Variants in DNAH12 observed in about 807,000 individuals in gnomAD.
DNAH12 encodes the protein axonemal beta dynein heavy chain 12.
Under a neutral mutation model 371.5 loss-of-function variants are expected in DNAH12, and 285 were observed. The observed-to-expected ratio is 0.77, with a 90% CI of 0.70 to 0.85. The LOEUF is 0.85. DNAH12 is among the 40% of genes least tolerant of loss of function. DNAH12 has a pLI of 0.00. For missense variants in DNAH12, 3,611 were observed against 3,689.4 expected (o/e 0.98, Z 0.55); for synonymous variants, 1,200 against 1,213.0 (o/e 0.99, Z 0.22).
rs1479705490 is a variant in DNAH12, at chr3:57,433,415, G to A, written c.4932C>T (p.Asp1644=). 1.9e-6 allele frequency: 3 copies of A among 1,551,268 alleles called. No individual in the cohort carries two copies. Among genetic ancestry groups the A allele is most frequent in the African/African-American group, 1.4e-5 (1 of 72,986 alleles). ...TGTTCATGCTCTCTATCCACAAAGTGTCAATAGGACCATCAAATACAACCC... is the reference window on the plus strand; with the variant it reads ...TGTTCATGCTCTCTATCCACAAAGTATCAATAGGACCATCAAATACAACCC... ...RKWVVFDGPI[D]TLWIESMNTV... The change falls in exon 32 of 74, where the codon GAC becomes GAT. Residue 1644 remains aspartate, a synonymous_variant. Coordinates refer to ENST00000495027, the MANE Select transcript of DNAH12 (RefSeq NM_001366028.2).
chr3:57,470,638 T>G lies in DNAH12; in HGVS notation c.1912-2A>C. On this transcript the variant is annotated splice_acceptor_variant, in intron 15 of 73. Coordinates refer to ENST00000495027, the MANE Select transcript of DNAH12 (RefSeq NM_001366028.2). LOFTEE classifies it high-confidence loss of function. ...TAGTTGTCTTACATCTGTCACATAC[T>G]GAAAGTAAATAAGTTTTTTGTCTTA... 1 of 1,520,472 alleles carries G rather than the reference T, an allele frequency of 6.6e-7. No homozygotes were observed. The highest frequency in any genetic ancestry group is 2.5e-5 in the Admixed American group (1 of 39,322). The allele number at this position is 1,520,472 out of a possible 1,614,324, so 94.2% of individuals were successfully genotyped here. A position where few individuals can be genotyped will look rare whatever the true frequency, so the allele number is the denominator to read the frequency against.
At chr3:57,489,392 G>C in intron 12 of DNAH12, 117 bp downstream of exon 12, 1 of 1,053,000 alleles carries the variant, frequency 9.5e-7, no homozygotes, top group South Asian at 2.1e-5. Context: ...AGGCAGCTAT[G>C]GAGAAAAAGT....
intron 29 of DNAH12, among the ~76,000 whole-genome samples, chr3:57,442,176 C>A (rs1031439263): frequency 6.6e-6 from 1 of 151,962 alleles, no homozygotes; most frequent in East Asian, 1.9e-4. Flanking sequence ...GACCCATATA[C>A]ACACAAATAC....
chr3:57,386,401 T>C (rs2063500419), intron 47 of DNAH12, 40 bp downstream of exon 47: 1 of 152,188 alleles, frequency 6.6e-6, no homozygotes, highest in Non-Finnish European at 1.5e-5. Context: ...CTTATACTTC[T>C]CAGTATATAT....
chr3:57,491,086 A>AAAAAAAAC (rs1575677264), intron 11 of DNAH12, among the ~76,000 whole-genome samples: 2 of 144,170 alleles, frequency 1.4e-5, no homozygotes, highest in East Asian at 2.0e-4. Context: ...TATCTCAAAA[A>AAAAAAAAC]AAAAAAAAAA....
Position 57,455,828 on chromosome 3 carries a change from G to A in DNAH12, c.3337-934C>T, listed in dbSNP as rs2065888725. Among the ~76,000 whole-genome samples the A allele has an allele frequency of 2.0e-5, 3 of 151,990 alleles. No individual in the cohort carries two copies. The South Asian group carries it at 6.2e-4, about 32-fold the overall frequency. On this transcript the variant is annotated intron_variant, in intron 22 of 73. Transcript: ENST00000495027. ...ATACTTTCATTTTTTCTAACACTTTGATATTCAAAATGCATTTAAATGGAT... is the reference window on the plus strand; with the variant it reads ...ATACTTTCATTTTTTCTAACACTTTAATATTCAAAATGCATTTAAATGGAT...
At chr3:57,477,323 A>G (rs1402297351) in intron 13 of DNAH12, among the ~76,000 whole-genome samples, 2 of 152,212 alleles carry the variant, frequency 1.3e-5, no homozygotes, top group East Asian at 3.9e-4. Context: ...AGCCTCACTC[A>G]TTGCTAGCAC....
chr3:57,299,575 CAT>C (rs2061304178), intron 70 of DNAH12, among the ~76,000 whole-genome samples: 1 of 151,928 alleles, frequency 6.6e-6, no homozygotes, highest in African/African-American at 2.4e-5. Context: ...CTCCAAAATT[CAT>C]AGATTGAAAC....
intron 10 of DNAH12, 58 bp from the exon 11 acceptor site, chr3:57,501,470 C>CT (rs375930927): frequency 2.0e-5 from 26 of 1,285,322 alleles, no homozygotes; most frequent in African/African-American, 3.1e-5. Context: ...AGATAAAACA[C>CT]TTTTTTTATA....
chr3:57,506,591 G>T (rs1446261062), intron 8 of DNAH12, among the ~76,000 whole-genome samples: 2 of 152,012 alleles, frequency 1.3e-5, no homozygotes, highest in Non-Finnish European at 2.9e-5. Flanking sequence ...ACAAGCATAT[G>T]CCACCACACC....
rs1482139338 is a variant in DNAH12 at position 57,408,401 on chromosome 3, G to C, written c.6155C>G (p.Ser2052Cys). ...TCGGACCATAGTTTCATCACTAAAA[G>C]AATTAATACTGCAGATGTTGAAATG... ...IRHFNICSINSFSDETMVRIF... is the reference protein window; with the variant it reads ...IRHFNICSINCFSDETMVRIF... Residue 2052 changes from serine (S) to cysteine (C), a missense_variant, in exon 40 of 74, where the codon TCT (serine) becomes TGT (cysteine). Coordinates refer to ENST00000495027, the MANE Select transcript of DNAH12 (RefSeq NM_001366028.2). 3 of 1,551,422 alleles carry C rather than the reference G, an allele frequency of 1.9e-6. No individual in the cohort carries two copies. The highest frequency in any genetic ancestry group is 2.6e-6 in the Non-Finnish European group (3 of 1,146,924).
At chr3:57,534,863 C>T (rs2068975846) in intron 2 of DNAH12, among the ~76,000 whole-genome samples, 1 of 152,110 alleles carries the variant, frequency 6.6e-6, no homozygotes, top group African/African-American at 2.4e-5. Flanking sequence ...ATGTTTGTAA[C>T]TTCTAGTCTC....
intron 16 of DNAH12, 53 bp downstream of exon 16, chr3:57,470,390 T>C (rs2066332113): frequency 6.9e-7 from 1 of 1,452,270 alleles, no homozygotes; most frequent in Admixed American, 2.8e-5. Context: ...ATTTATATTT[T>C]ACAAATTATT....
At position 57,316,620 on chromosome 3, in the gene DNAH12, T is replaced by C. The variant is rs148519865; in HGVS notation, c.10525-1989A>G. On this transcript the variant is annotated intron_variant, in intron 65 of 73. Transcript: ENST00000495027. ...ACCTAAATCTCAGCTCAATTTGTAATCCCCGCTTTTCAAGGGAGGGACCTA... is the reference window on the plus strand; with the variant it reads ...ACCTAAATCTCAGCTCAATTTGTAACCCCCGCTTTTCAAGGGAGGGACCTA... 5.8e-4 allele frequency among the ~76,000 whole-genome samples: 89 copies of C among 152,254 alleles called. No individual in the cohort carries two copies. The East Asian group carries it at 0.017, about 28-fold the overall frequency.
chr3:57,413,236 T>C (rs7646243), intron 39 of DNAH12, among the ~76,000 whole-genome samples: 83,301 of 151,826 alleles, frequency 0.55, 23,807 homozygotes, highest in African/African-American at 0.72. Context: ...CTGAAAATGG[T>C]TAAACTATAG....
At chr3:57,389,084 C>G (rs2063556067) in intron 45 of DNAH12, among the ~76,000 whole-genome samples, 1 of 152,128 alleles carries the variant, frequency 6.6e-6, no homozygotes, top group African/African-American at 2.4e-5. Flanking sequence ...CATTCTCTTT[C>G]TCTTCCCCCA....
At chr3:57,460,274 C>T (rs535527767) in intron 19 of DNAH12, among the ~76,000 whole-genome samples, 1 of 152,038 alleles carries the variant, frequency 6.6e-6, no homozygotes, top group African/African-American at 2.4e-5. Flanking sequence ...TTATAGAGCC[C>T]AAAATATCAA....
intron 2 of DNAH12, among the ~76,000 whole-genome samples, chr3:57,535,840 A>C (rs1287308275): frequency 7.6e-6 from 1 of 131,228 alleles, no homozygotes; most frequent in Non-Finnish European, 1.6e-5. Flanking sequence ...CCACACCCCA[A>C]TTTTTTTTTT....
At chr3:57,431,058 T>G (rs1433528687) in intron 32 of DNAH12, among the ~76,000 whole-genome samples, 3 of 152,208 alleles carry the variant, frequency 2.0e-5, no homozygotes, top group Non-Finnish European at 2.9e-5. Flanking sequence ...TGTAAAAAGT[T>G]CTACTGGACA....
Sources: gnomAD v4.1 joint callset for allele counts (sites outside exome capture counted in the v4.1 genomes callset) on GRCh38, gnomAD v4.1.1 for gene constraint, MANE v1.5 for transcripts, NCBI Gene and HGNC (gene_info 2026-07-23, HGNC 2026-07-21) for gene names.